ACTN1: variants seen among roughly 807,000 people sequenced by gnomAD.
ACTN1 encodes alpha-actinin-1.
A neutral mutation model predicts 119.6 loss-of-function variants in ACTN1; 30 were observed. The ratio of observed to expected loss-of-function variants is 0.25; its 90% CI spans 0.19 to 0.34. The LOEUF (loss-of-function observed/expected upper bound fraction) is 0.34. Ranked by LOEUF, ACTN1 falls within the 10% of genes least tolerant of loss-of-function variation. The pLI, the probability that ACTN1 is intolerant of heterozygous loss-of-function variation, is 1.00. For missense variants in ACTN1, 764 were observed against 1,223.4 expected (o/e 0.62, Z 5.60); for synonymous variants, 429 against 472.6 (o/e 0.91, Z 1.20).
Position 68,891,958 on chromosome 14 carries a change from C to T in ACTN1, c.1086+95G>A, listed in dbSNP as rs536706225. 918 of 1,460,916 alleles carry T rather than the reference C, an allele frequency of 6.3e-4. 6 individuals are homozygous for T. In the South Asian group the frequency reaches 0.011, roughly 17 times the overall value. The allele number at this position is 1,460,916 out of a possible 1,614,324, so 90.5% of individuals were successfully genotyped here. On this transcript the variant is annotated intron_variant, in intron 10 of 21. Transcript: ENST00000394419. Reference sequence around the variant, plus strand: ...GTAGGTAGAAGCAAACACGCCCATCCGCACCCCCATAAAGCTGAATTTGAC... The same window carrying T: ...GTAGGTAGAAGCAAACACGCCCATCTGCACCCCCATAAAGCTGAATTTGAC...
chr14:68,911,584 T>C (rs1295511210), intron 4 of ACTN1, among the ~76,000 whole-genome samples: 1 of 152,242 alleles, frequency 6.6e-6, no homozygotes, highest in Non-Finnish European at 1.5e-5. Flanking sequence ...AAATAGTATC[T>C]CCATCTCATC....
chr14:68,962,531 C>T (rs1233027540), intron 1 of ACTN1, among the ~76,000 whole-genome samples: 1 of 152,170 alleles, frequency 6.6e-6, no homozygotes, highest in Non-Finnish European at 1.5e-5. Flanking sequence ...ATGCAGAGCC[C>T]TCCTCCCTCC....
In ACTN1 at chr14:68,879,334, G is replaced by A. The variant is rs144748702; in HGVS notation, c.2281-265C>T. Among the ~76,000 whole-genome samples, 4 of 152,136 alleles carry A rather than the reference G, an allele frequency of 2.6e-5. No individual in the cohort carries two copies. The highest frequency in any genetic ancestry group is 7.2e-5 in the African/African-American group (3 of 41,512). On this transcript the variant is annotated intron_variant, in intron 18 of 21. Transcript: ENST00000394419. The surrounding 1 kb of genome is among the most constrained non-coding windows in gnomAD (Gnocchi z 4.9). ...CAGTGGGGTGTGATGAGCCACAAGG[G>A]TGAGAAGCTCCCTCAGAAGTGACCC...
intron 1 of ACTN1, among the ~76,000 whole-genome samples, chr14:68,951,130 G>A (rs539339533): frequency 6.6e-6 from 1 of 152,342 alleles, no homozygotes; most frequent in South Asian, 2.1e-4. Context: ...AACAGTGGCA[G>A]GGAAGCGCCA....
At chr14:68,932,231 A>C (rs1055558547) in intron 1 of ACTN1, among the ~76,000 whole-genome samples, 4 of 151,652 alleles carry the variant, frequency 2.6e-5, no homozygotes, top group African/African-American at 9.7e-5. Flanking sequence ...CAGCACAGCC[A>C]GAATAAAAGC....
Position 68,909,265 on chromosome 14 carries a change from T to A in ACTN1, c.594+53A>T. 6.3e-7 allele frequency: 1 copy of A among 1,575,080 alleles called. No individual in the cohort carries two copies. The highest frequency in any genetic ancestry group is 8.7e-7 in the Non-Finnish European group (1 of 1,146,458). On this transcript the variant is annotated intron_variant, in intron 6 of 21. Transcript: ENST00000394419. This position sits in a 1 kb window ranked among gnomAD's most constrained non-coding sequence, Gnocchi z 4.1. The stretch of plus-strand genomic sequence containing the variant: ...AACAAGGGTCCTAGTCCTGCTCTTT[T>A]CCCACCCCACCTGCCAGGGACCCAA...
intron 1 of ACTN1, among the ~76,000 whole-genome samples, chr14:68,962,040 C>G (rs1161482681): frequency 6.6e-6 from 1 of 152,200 alleles, no homozygotes; most frequent in Admixed American, 6.5e-5. Flanking sequence ...GTGCAGCCCA[C>G]ATCAGCTGAG....
intron 1 of ACTN1, among the ~76,000 whole-genome samples, chr14:68,935,449 A>G (rs1386012582): frequency 7.6e-6 from 1 of 131,356 alleles, no homozygotes; most frequent in Non-Finnish European, 1.5e-5. Flanking sequence ...GCAGTGGTGC[A>G]ATCTCAGCTC....
At chr14:68,977,566 T>C (rs191833581) in intron 1 of ACTN1, 84 of 223,670 alleles carry the variant, frequency 3.8e-4, no homozygotes, top group Non-Finnish European at 6.8e-4. Context: ...GTGTGTGTTT[T>C]AGATTACCTC....
chr14:68,909,559 CA>C lies in ACTN1; in HGVS notation c.516-164del, dbSNP rs1172565918. 6.6e-6 allele frequency among the ~76,000 whole-genome samples: 1 copy of C among 152,178 alleles called. No individual in the cohort carries two copies. Among genetic ancestry groups the C allele is most frequent in the Non-Finnish European group, 1.5e-5 (1 of 68,030 alleles). ...TGGGAAGGGACATTTCTTCCTGCCA[CA>C]AATCCCAGGCACTAGGGTCAAGACT... On this transcript the variant is annotated intron_variant, in intron 5 of 21. Coordinates refer to ENST00000394419, the MANE Select transcript of ACTN1 (RefSeq NM_001130004.2). This position sits in a 1 kb window ranked among gnomAD's most constrained non-coding sequence, Gnocchi z 4.1.
chr14:68,962,131 A>T (rs565378436), intron 1 of ACTN1, among the ~76,000 whole-genome samples: 4 of 152,314 alleles, frequency 2.6e-5, no homozygotes, highest in South Asian at 4.1e-4. Context: ...CCGAGTCAGG[A>T]TCCCCACTGA....
chr14:68,910,559 C>G (rs1036163746), intron 4 of ACTN1, among the ~76,000 whole-genome samples: 1 of 152,178 alleles, frequency 6.6e-6, no homozygotes, highest in South Asian at 2.1e-4. Context: ...CTGCTGCCCT[C>G]TGTGTGTGAA....
chr14:68,955,749 T>C (rs2036332991), intron 1 of ACTN1, among the ~76,000 whole-genome samples: 1 of 152,212 alleles, frequency 6.6e-6, no homozygotes, highest in African/African-American at 2.4e-5. Context: ...CCTCCACTGC[T>C]AGCACTGCAG....
At chr14:68,943,793 A>G (rs1221670333) in intron 1 of ACTN1, among the ~76,000 whole-genome samples, 3 of 152,240 alleles carry the variant, frequency 2.0e-5, no homozygotes, top group Non-Finnish European at 4.4e-5. Flanking sequence ...GGAACAGGAC[A>G]CCAAGGGCCA....
At chr14:68,952,588 G>A (rs1028561710) in intron 1 of ACTN1, among the ~76,000 whole-genome samples, 1 of 152,160 alleles carries the variant, frequency 6.6e-6, no homozygotes, top group Non-Finnish European at 1.5e-5. Context: ...AGGGGAAAGC[G>A]GCATCCCGCC....
chr14:68,917,799 C>T (rs1192325963), intron 3 of ACTN1, among the ~76,000 whole-genome samples: 1 of 152,346 alleles, frequency 6.6e-6, no homozygotes, highest in African/African-American at 2.4e-5. Context: ...GGCGTGGTGG[C>T]TTGCGCCTGT....
rs1257963705 is a variant in ACTN1, at chr14:68,890,171, T to A, written c.1202A>T (p.Gln401Leu). 6.2e-7 allele frequency: 1 copy of A among 1,614,150 alleles called. No homozygotes were observed. The highest frequency in any genetic ancestry group is 8.5e-7 in the Non-Finnish European group (1 of 1,180,000). ...CCAGGCCTCGTGGATGGAGGCCTTC[T>A]GCCGGAACTTCTCTGCCAGGTGGTC... ...RLDHLAEKFR[Q>L]KASIHEAWTD... The change falls in exon 11 of 22, where the codon CAG (glutamine) becomes CTG (leucine). Residue 401 changes from glutamine to leucine, a missense_variant. By Grantham distance (113) the Gln-to-Leu change is moderately radical. Around this residue, in one of 4 missense-constraint regions of ACTN1, gnomAD observed 544 missense variants for 912.0 expected, o/e 0.60. Transcript: ENST00000394419.
At chr14:68,901,436 C>G (rs181289533) in intron 8 of ACTN1, among the ~76,000 whole-genome samples, 1 of 151,798 alleles carries the variant, frequency 6.6e-6, no homozygotes, top group African/African-American at 2.4e-5. Context: ...TTAGTAGAGA[C>G]GGGGTTTCAC....
chr14:68,959,848 C>T (rs1287824236), intron 1 of ACTN1, among the ~76,000 whole-genome samples: 4 of 152,182 alleles, frequency 2.6e-5, no homozygotes, highest in Non-Finnish European at 5.9e-5. Flanking sequence ...TCCCACTATG[C>T]AGTAGAAAAT....
Sources: gnomAD v4.1 joint callset for allele counts (sites outside exome capture counted in the v4.1 genomes callset) on GRCh38, gnomAD v4.1.1 for gene constraint, gnomAD v4.1.1 regional missense constraint, Gnocchi (gnomAD v3.1) non-coding constraint, MANE v1.5 for transcripts, NCBI Gene and HGNC (gene_info 2026-07-23, HGNC 2026-07-21) for gene names.